Variants in MYO3B observed in about 807,000 individuals in gnomAD.
MYO3B encodes myosin-IIIb.
In MYO3B, 156 loss-of-function variants were observed where a neutral mutation model predicts 174.6. The observed-to-expected ratio is 0.89, with a 90% CI of 0.78 to 1.02. The LOEUF is 1.02. MYO3B is among the 50% of genes least tolerant of loss of function. The probability of loss-of-function intolerance (pLI) is 0.00; values close to 1 mark genes in which losing one functional copy is unlikely to be tolerated. For synonymous variants in MYO3B, 563 were observed against 569.1 expected (o/e 0.99, Z 0.15); for missense variants, 1,632 against 1,639.4 (o/e 1.00, Z 0.08).
chr2:170,361,882 T>C (rs1558924365), intron 8 of MYO3B, among the ~76,000 whole-genome samples: 1 of 152,216 alleles, frequency 6.6e-6, no homozygotes, highest in Admixed American at 6.5e-5. Context: ...CTTGAGGATC[T>C]AGAATTTTTG....
At chr2:170,261,696 T>G (rs553775171) in intron 7 of MYO3B, among the ~76,000 whole-genome samples, 57 of 152,346 alleles carry the variant, frequency 3.7e-4, no homozygotes, top group African/African-American at 1.3e-3. Context: ...AATGCCTGGT[T>G]GTGGCATGAT....
intron 25 of MYO3B, among the ~76,000 whole-genome samples, chr2:170,469,181 C>T (rs1362573931): frequency 6.6e-6 from 1 of 152,112 alleles, no homozygotes; most frequent in Non-Finnish European, 1.5e-5. Context: ...GTTTATGAAG[C>T]TATTGTAGTA....
At chr2:170,400,365 T>G (rs1411868988) in intron 17 of MYO3B, 51 bp downstream of exon 17, 1 of 1,604,550 alleles carries the variant, frequency 6.2e-7, no homozygotes, top group Non-Finnish European at 8.5e-7. Flanking sequence ...ACGTGCTTCT[T>G]TAGGCTCTGT....
rs1558900954 is a variant in MYO3B, at chr2:170,335,397, T to C, written c.762T>C (p.Pro254=). The part of the protein sequence containing the change: ...TLFKIPRNPP[P]TLLHPEKWCE... ...GTTATTTTTTCAGAAATCCTCCACC[T>C]ACTTTACTTCATCCAGAAAAATGGT... The change falls in exon 8 of 35, where the codon CCT becomes CCC. Residue 254 remains proline (P), a synonymous_variant. Coordinates refer to ENST00000408978, the MANE Select transcript of MYO3B (RefSeq NM_138995.5). 6.2e-7 allele frequency: 1 copy of C among 1,610,726 alleles called. No homozygotes were observed. The highest frequency in any genetic ancestry group is 8.5e-7 in the Non-Finnish European group (1 of 1,178,466).
intron 3 of MYO3B, among the ~76,000 whole-genome samples, chr2:170,207,863 C>A (rs2092730652): frequency 6.6e-6 from 1 of 152,074 alleles, no homozygotes; most frequent in African/African-American, 2.4e-5. Context: ...AGTCATTCCT[C>A]TTTCTTTTCC....
chr2:170,534,218 T>G (rs1406141526), intron 30 of MYO3B, among the ~76,000 whole-genome samples: 1 of 152,244 alleles, frequency 6.6e-6, no homozygotes, highest in Non-Finnish European at 1.5e-5. Context: ...TCAGAATTTT[T>G]TAGCCATATT....
intron 22 of MYO3B, among the ~76,000 whole-genome samples, chr2:170,432,390 CAAA>C (rs555516025): frequency 6.6e-6 from 1 of 150,638 alleles, no homozygotes; most frequent in African/African-American, 2.4e-5. Context: ...AAAAAGTAAA[CAAA>C]AAAATCTTAA....
chr2:170,521,748 G>A (rs1688681356), intron 30 of MYO3B, among the ~76,000 whole-genome samples: 1 of 151,998 alleles, frequency 6.6e-6, no homozygotes, highest in Non-Finnish European at 1.5e-5. Context: ...CCCTTGGCCT[G>A]TCCTTCCTTC....
chr2:170,461,997 T>C (rs1378460061), intron 23 of MYO3B, among the ~76,000 whole-genome samples: 1 of 152,204 alleles, frequency 6.6e-6, no homozygotes, highest in Non-Finnish European at 1.5e-5. Context: ...TGTACTCAAA[T>C]GGGGGTGAGA....
intron 32 of MYO3B, among the ~76,000 whole-genome samples, chr2:170,556,930 T>G (rs1691346668): frequency 6.6e-6 from 1 of 152,258 alleles, no homozygotes; most frequent in South Asian, 2.1e-4. Flanking sequence ...TTTCACATGC[T>G]TATTTGACAT....
chr2:170,343,076 CA>C (rs1338565138), intron 8 of MYO3B, among the ~76,000 whole-genome samples: 23 of 137,932 alleles, frequency 1.7e-4, no homozygotes, highest in Admixed American at 6.8e-4. Flanking sequence ...CACACACACA[CA>C]CCCCTCTCCA....
At chr2:170,443,142 C>T (rs1346061564) in intron 22 of MYO3B, among the ~76,000 whole-genome samples, 1 of 152,210 alleles carries the variant, frequency 6.6e-6, no homozygotes, top group Non-Finnish European at 1.5e-5. Context: ...TTCTCCACAT[C>T]CTCTCCAGCA....
rs187190945 is a variant in MYO3B, at chr2:170,632,027, C to A, written c.3734-19601C>A. ...CCACAAGGAGACTTAGACTCCCACA[C>A]AATAATAGTGGGAGACTTTAACACC... is the stretch of plus-strand genomic sequence containing the variant. On this transcript the variant is annotated intron_variant, in intron 32 of 34. Transcript: ENST00000408978. 3.1e-3 allele frequency among the ~76,000 whole-genome samples: 469 copies of A among 152,012 alleles called. 5 individuals carry two copies. Among genetic ancestry groups the A allele is most frequent in the African/African-American group, 0.011 (444 of 41,388 alleles).
intron 7 of MYO3B, among the ~76,000 whole-genome samples, chr2:170,261,700 G>A (rs1252546078): frequency 1.3e-5 from 2 of 152,138 alleles, no homozygotes; most frequent in Admixed American, 1.3e-4. Flanking sequence ...CCTGGTTGTG[G>A]CATGATGCTA....
intron 22 of MYO3B, 129 bp from the exon 23 acceptor site, chr2:170,443,838 A>G (rs978607852): frequency 3.5e-5 from 17 of 492,282 alleles, no homozygotes; most frequent in African/African-American, 2.8e-4. Flanking sequence ...AAATTTTCCA[A>G]ATTTTAAAAA....
At chr2:170,462,965 T>C (rs1247056381) in intron 23 of MYO3B, among the ~76,000 whole-genome samples, 1 of 152,244 alleles carries the variant, frequency 6.6e-6, no homozygotes, top group Non-Finnish European at 1.5e-5. Context: ...GCTGGCCTAA[T>C]TCCCTGTGGT....
At chr2:170,556,172 G>A (rs1286247949) in intron 32 of MYO3B, among the ~76,000 whole-genome samples, 1 of 151,598 alleles carries the variant, frequency 6.6e-6, no homozygotes, top group African/African-American at 2.4e-5. Flanking sequence ...CTCCAGCCTG[G>A]GCAACAGACC....
At chr2:170,628,277 C>T (rs1696636595) in intron 32 of MYO3B, among the ~76,000 whole-genome samples, 1 of 152,254 alleles carries the variant, frequency 6.6e-6, no homozygotes, top group African/African-American at 2.4e-5. Flanking sequence ...TCACTGCTGC[C>T]TTGCAGTTCG....
At chr2:170,349,379 A>T (rs2094042794) in intron 8 of MYO3B, 1 of 152,182 alleles carries the variant, frequency 6.6e-6, no homozygotes. Flanking sequence ...GAGAGCAGAG[A>T]ATGTATCTTT....
Sources: allele counts gnomAD v4.1 joint callset (sites outside exome capture counted in the v4.1 genomes callset), GRCh38; gene constraint gnomAD v4.1.1; transcripts MANE v1.5; gene names NCBI Gene and HGNC (gene_info 2026-07-23, HGNC 2026-07-21).